Variants in SRP68 observed in about 807,000 individuals in gnomAD.
SRP68 encodes the protein signal recognition particle subunit SRP68.
In SRP68, 15 loss-of-function variants were observed where a neutral mutation model predicts 82.2. The ratio of observed to expected loss-of-function variants is 0.18; its 90% confidence interval spans 0.12 to 0.28. SRP68 has a LOEUF of 0.28. Ranked by LOEUF, SRP68 falls within the 10% of genes least tolerant of loss-of-function variation. The pLI is 1.00. For synonymous variants in SRP68, 261 were observed against 292.6 expected (o/e 0.89, Z 1.10); for missense variants, 595 against 780.5 (o/e 0.76, Z 2.83).
At chr17:76,042,352 C>G (rs2066597694) in intron 13 of SRP68, among the ~76,000 whole-genome samples, 1 of 151,804 alleles carries the variant, frequency 6.6e-6, no homozygotes, top group South Asian at 2.1e-4. Context: ...GCCTGTAATC[C>G]TAGCACTTTG....
Position 76,061,186 on chromosome 17 carries a change from T to C in SRP68, c.678A>G (p.Thr226=), listed in dbSNP as rs1598266826. 1 of 1,613,948 alleles carries C rather than the reference T, an allele frequency of 6.2e-7. No individual in the cohort carries two copies. The highest frequency in any genetic ancestry group is 2.2e-5 in the East Asian group (1 of 44,890). Reference sequence around the variant, plus strand: ...GGTTATACAGCACAGCCTGCTCCTCTGTGAAAGCACTGGCTAGCTTCTCAT... The same window carrying C: ...GGTTATACAGCACAGCCTGCTCCTCCGTGAAAGCACTGGCTAGCTTCTCAT... ...TIYEKLASAF[T]EEQAVLYNQR... is the part of the protein sequence containing the mutation. The change falls in exon 6 of 16, where the codon ACA becomes ACG. Residue 226 remains threonine, a synonymous_variant. Transcript: ENST00000307877.
chr17:76,063,852 G>A (rs928946317), intron 4 of SRP68, 124 bp downstream of exon 4: 24 of 758,692 alleles, frequency 3.2e-5, no homozygotes, highest in Admixed American at 3.5e-5. Context: ...AAGCAAGTTC[G>A]GAAAGTTTTT....
At chr17:76,067,091 C>T (rs2144529180) in intron 3 of SRP68, 126 bp downstream of exon 3, 2 of 737,442 alleles carry the variant, frequency 2.7e-6, no homozygotes, top group South Asian at 1.6e-5. Flanking sequence ...CCTTAGAACA[C>T]AGGAATAGTA....
intron 14 of SRP68, 159 bp from the exon 15 acceptor site, chr17:76,040,633 A>T (rs1169185623): frequency 1.3e-6 from 1 of 750,516 alleles, no homozygotes; most frequent in Non-Finnish European, 2.3e-6. Context: ...GGTGGAGATA[A>T]ACAGATCAAT....
In SRP68 at chr17:76,072,128, A is replaced by C; in HGVS notation, c.184+180T>G. ...CCAGGACGGCGAGGGGGACACGAGG[A>C]AAGACTAGTCGAGAGACAGACCCCC... On this transcript the variant is annotated intron_variant, in intron 1 of 15. Coordinates refer to ENST00000307877, the MANE Select transcript of SRP68 (RefSeq NM_014230.4). This position sits in a 1 kb window ranked among gnomAD's most constrained non-coding sequence, Gnocchi z 4.5. The C allele has an allele frequency of 8.2e-7, 1 of 1,213,014 alleles. No individual in the cohort carries two copies. Among genetic ancestry groups the C allele is most frequent in the Non-Finnish European group, 1.1e-6 (1 of 879,954 alleles). 75.1% of individuals were successfully genotyped at this position (1,213,014 alleles called of 1,614,324 possible).
At position 76,072,493 on chromosome 17, in the gene SRP68, T is replaced by G. The variant is rs775112377; in HGVS notation, c.-2A>C. ...TGGGACCTGCTTCTCAGCAGCCATC[T>G]TGCCCCTGCGCCGCAGAGCAAGACG... On this transcript the variant is annotated 5_prime_UTR_variant, in exon 1 of 16. Coordinates refer to ENST00000307877, the MANE Select transcript of SRP68 (RefSeq NM_014230.4). This position sits in a 1 kb window ranked among gnomAD's most constrained non-coding sequence, Gnocchi z 4.5. 2 of 1,583,328 alleles carry G rather than the reference T, an allele frequency of 1.3e-6. No homozygotes were observed. Among genetic ancestry groups the G allele is most frequent in the Non-Finnish European group, 1.7e-6 (2 of 1,173,014 alleles).
chr17:76,043,159 G>A lies in SRP68; in HGVS notation c.1524+670C>T, dbSNP rs529789089. On this transcript the variant is annotated intron_variant, in intron 13 of 15. Coordinates refer to ENST00000307877, the MANE Select transcript of SRP68 (RefSeq NM_014230.4). ...CATGCCTGTAGTCCCAGCTACTCAG[G>A]AGGCTGAGGTGGGAGGGTCACTTGA... Among the ~76,000 whole-genome samples the A allele has an allele frequency of 2.3e-4, 35 of 152,282 alleles. No homozygotes were observed. The East Asian group carries it at 6.2e-3, about 27-fold the overall frequency.
chr17:76,066,821 G>A (rs370290779), intron 3 of SRP68, among the ~76,000 whole-genome samples: 18 of 151,028 alleles, frequency 1.2e-4, no homozygotes, highest in Admixed American at 2.0e-4. Context: ...TCTGCCTCCC[G>A]GGTTCAAGTA....
intron 15 of SRP68, 63 bp downstream of exon 15, chr17:76,040,356 A>G: frequency 1.4e-6 from 2 of 1,481,424 alleles, no homozygotes; most frequent in Non-Finnish European, 1.9e-6. Context: ...TATAATGAGC[A>G]TGCATTCCTA....
intron 13 of SRP68, among the ~76,000 whole-genome samples, chr17:76,042,109 C>T (rs2066595405): frequency 6.6e-6 from 1 of 151,974 alleles, no homozygotes; most frequent in African/African-American, 2.4e-5. Context: ...TGGTCTCGAT[C>T]TCCTGACCTC....
chr17:76,070,998 C>G (rs1218194507), intron 1 of SRP68, among the ~76,000 whole-genome samples: 1 of 152,156 alleles, frequency 6.6e-6, no homozygotes. Flanking sequence ...TTACTACTTG[C>G]AAACTGAAAA....
Position 76,045,312 on chromosome 17 carries a change from A to C in SRP68, c.1374T>G (p.Thr458=). The change falls in exon 12 of 16, where the codon ACT becomes ACG. Residue 458 remains threonine, a synonymous_variant. Transcript: ENST00000307877. ...GTTACCTGTAAGCTTTGAACACCAG[A>C]GTCTTGAGGCCTATCTCTTTCTGGA... ...KAFQKEIGLK[T]LVFKAYRCFF... 6.2e-7 allele frequency: 1 copy of C among 1,613,700 alleles called. No homozygotes were observed. Among genetic ancestry groups the C allele is most frequent in the Non-Finnish European group, 8.5e-7 (1 of 1,179,728 alleles).
chr17:76,063,413 C>A (rs1172392215), intron 4 of SRP68, among the ~76,000 whole-genome samples: 1 of 152,118 alleles, frequency 6.6e-6, no homozygotes, highest in Non-Finnish European at 1.5e-5. Context: ...TGGCCACGTG[C>A]AGTGGCTCAC....
intron 2 of SRP68, among the ~76,000 whole-genome samples, 181 bp from the exon 3 acceptor site, chr17:76,067,511 T>C (rs1029103897): frequency 3.3e-5 from 5 of 152,256 alleles, no homozygotes; most frequent in Admixed American, 1.3e-4. Flanking sequence ...TCTGGCTCTG[T>C]CACCCAGGCT....
At chr17:76,049,555 T>G (rs569765989) in intron 9 of SRP68, 6 of 152,250 alleles carry the variant, frequency 3.9e-5, no homozygotes, top group Admixed American at 2.6e-4. Flanking sequence ...GGGAACAGAC[T>G]AAGGAAGGCT....
intron 6 of SRP68, 66 bp downstream of exon 6, chr17:76,061,044 G>A: frequency 4.2e-6 from 4 of 961,762 alleles, no homozygotes; most frequent in Admixed American, 1.9e-5. Context: ...GCTCTCTGAA[G>A]TGAGCTCCCA....
chr17:76,048,884 G>T, intron 9 of SRP68: 1 of 152,364 alleles, frequency 6.6e-6, no homozygotes. Context: ...ACAGTGACAG[G>T]GGCTGGGACT....
chr17:76,060,125 C>CAAAAA (rs1168111688), intron 7 of SRP68, among the ~76,000 whole-genome samples, 183 bp downstream of exon 7: 40 of 28,788 alleles, frequency 1.4e-3, no homozygotes, highest in African/African-American at 2.0e-3. Flanking sequence ...GACTCCATCT[C>CAAAAA]AAAAAAAAAA....
In SRP68 at chr17:76,046,214, A is replaced by G. The variant is rs2066629406; in HGVS notation, c.1143-20T>C. On this transcript the variant is annotated intron_variant, in intron 10 of 15. Transcript: ENST00000307877. ...AGGTAGCTGGAATGCACCACAAGTC[A>G]GCTCAAGTTATACTCAGAGAAGCGG... is the stretch of plus-strand genomic sequence containing the variant. The G allele has an allele frequency of 2.5e-6, 4 of 1,612,934 alleles. No individual in the cohort carries two copies.
Sources: gnomAD v4.1 joint callset for allele counts (sites outside exome capture counted in the v4.1 genomes callset) on GRCh38, gnomAD v4.1.1 for gene constraint, Gnocchi (gnomAD v3.1) non-coding constraint, MANE v1.5 for transcripts, NCBI Gene and HGNC (gene_info 2026-07-23, HGNC 2026-07-21) for gene names.